The following NFATC2 variants were observed in gnomAD, a reference collection of about 807,000 sequenced individuals.
NFATC2 encodes the protein nuclear factor of activated T-cells, cytoplasmic 2.
Under a neutral mutation model 87.3 loss-of-function variants are expected in NFATC2, and 22 were observed. The ratio of observed to expected loss-of-function variants is 0.25; its 90% CI spans 0.18 to 0.36. The LOEUF is 0.36. Ranked by LOEUF, NFATC2 falls within the 10% of genes least tolerant of loss-of-function variation. NFATC2 has a pLI of 1.00. For missense variants in NFATC2, 1,149 were observed against 1,259.1 expected (o/e 0.91, Z 1.32); for synonymous variants, 565 against 542.2 (o/e 1.04, Z -0.58).
chr20:51,398,063 A>ACTCAGTTCCAAGGGGCTG (rs1195962294), intron 10 of NFATC2, among the ~76,000 whole-genome samples: 4 of 143,896 alleles, frequency 2.8e-5, no homozygotes, highest in African/African-American at 1.0e-4. Flanking sequence ...ACCCTGGGAA[A>ACTCAGTTCCAAGGGGCTG]CTCAGTTCCA....
rs1288692436 is a variant in NFATC2 at position 51,509,945 on chromosome 20, AC to A, written c.1332+6838del. On this transcript the variant is annotated intron_variant, in intron 3 of 10. Transcript: ENST00000371564. ...CCTCCCTGCAAAGCTCATTACTGTT[AC>A]CGGGAATGAAATGGCCATCGGGTTT... 2.0e-5 allele frequency among the ~76,000 whole-genome samples: 3 copies of A among 152,244 alleles called. No individual in the cohort carries two copies. The East Asian group carries it at 5.8e-4, about 29-fold the overall frequency.
chr20:51,517,434 C>T (rs1568716210), intron 2 of NFATC2, among the ~76,000 whole-genome samples: 3 of 151,216 alleles, frequency 2.0e-5, no homozygotes. Flanking sequence ...ACTAAAAATA[C>T]AAAAAAAATC....
intron 1 of NFATC2, among the ~76,000 whole-genome samples, chr20:51,560,398 A>G (rs1049395345): frequency 1.9e-4 from 17 of 91,446 alleles, no homozygotes; most frequent in African/African-American, 6.0e-4. Flanking sequence ...TTGCTGAAAT[A>G]CTTTCCATCA....
chr20:51,459,691 A>G (rs934180610), intron 5 of NFATC2, among the ~76,000 whole-genome samples: 1 of 152,168 alleles, frequency 6.6e-6, no homozygotes, highest in African/African-American at 2.4e-5. Context: ...CAGCCTGACC[A>G]ATATGGTGAA....
In NFATC2 at chr20:51,436,676, C is replaced by T. The variant is rs186484755; in HGVS notation, c.1850-915G>A. 4.7e-4 allele frequency among the ~76,000 whole-genome samples: 71 copies of T among 152,238 alleles called. 1 individual carries two copies. The highest frequency in any genetic ancestry group is 3.0e-3 in the Admixed American group (46 of 15,298). On this transcript the variant is annotated intron_variant, in intron 6 of 10. Transcript: ENST00000371564. The stretch of plus-strand genomic sequence containing the variant: ...GTTACAGCAAACCAAGATTACACCA[C>T]TGCACTCCAGACTGGGCGACAGAGT...
intron 3 of NFATC2, among the ~76,000 whole-genome samples, chr20:51,488,221 A>C (rs989159486): frequency 6.6e-6 from 1 of 152,226 alleles, no homozygotes; most frequent in African/African-American, 2.4e-5. Flanking sequence ...GTCCTTCAGG[A>C]TTATTAATAC....
At chr20:51,412,003 G>A (rs759126873) in intron 9 of NFATC2, among the ~76,000 whole-genome samples, 18 of 152,074 alleles carry the variant, frequency 1.2e-4, no homozygotes, top group South Asian at 4.1e-4. Flanking sequence ...TAGGGTGAGC[G>A]AGCCCCTCTT....
At chr20:51,545,069 A>C (rs1178284956), upstream of NFATC2, among the ~76,000 whole-genome samples, 1 of 152,246 alleles carries the variant, frequency 6.6e-6, no homozygotes, top group Non-Finnish European at 1.5e-5. Context: ...ATAGACAGGT[A>C]TCTAGAAAGA....
upstream of NFATC2, among the ~76,000 whole-genome samples, chr20:51,543,460 A>G (rs538954508): frequency 2.8e-4 from 42 of 152,320 alleles, no homozygotes; most frequent in African/African-American, 9.6e-4. Context: ...GACCTCTCTG[A>G]GGAGGTGACA....
chr20:51,528,433 A>C (rs562256904), intron 1 of NFATC2, among the ~76,000 whole-genome samples: 1 of 152,194 alleles, frequency 6.6e-6, no homozygotes. Context: ...AGATGTACAC[A>C]CAGATGTATA....
At chr20:51,401,404 GTCCC>G (rs2146241099) in intron 9 of NFATC2, among the ~76,000 whole-genome samples, 1 of 152,132 alleles carries the variant, frequency 6.6e-6, no homozygotes, top group Non-Finnish European at 1.5e-5. Flanking sequence ...CCACAATATG[GTCCC>G]CTAAAGAAGA....
intron 7 of NFATC2, 140 bp from the exon 8 acceptor site, chr20:51,435,454 A>G: frequency 7.7e-7 from 1 of 1,290,414 alleles, no homozygotes; most frequent in East Asian, 2.3e-5. Context: ...GTTCAATTTC[A>G]GGGGAATTTA....
In NFATC2 at chr20:51,542,644, GCGC is replaced by G; in HGVS notation, c.-148_-146del. The G allele has an allele frequency of 8.4e-7, 1 of 1,189,420 alleles. No individual in the cohort carries two copies. The highest frequency in any genetic ancestry group is 3.7e-5 in the East Asian group (1 of 26,932). 73.7% of individuals were successfully genotyped at this position (1,189,420 alleles called of 1,614,324 possible). On this transcript the variant is annotated 5_prime_UTR_variant, in exon 1 of 11. Coordinates refer to ENST00000371564, the MANE Select transcript of NFATC2 (RefSeq NM_012340.5). ...GACGCACGCCGGGTCCGGGGACGGCGCGCCTGGCGCAGCGGGTCCTGGACGCGC... is the reference window on the plus strand; with the variant it reads ...GACGCACGCCGGGTCCGGGGACGGCGCTGGCGCAGCGGGTCCTGGACGCGC...
At chr20:51,474,772 A>G (rs965246741) in intron 4 of NFATC2, among the ~76,000 whole-genome samples, 2 of 152,040 alleles carry the variant, frequency 1.3e-5, no homozygotes, top group Admixed American at 1.3e-4. Context: ...AATGTGTGCA[A>G]TGGTTCCCAG....
chr20:51,502,147 C>T (rs756099822), intron 3 of NFATC2, among the ~76,000 whole-genome samples: 12 of 152,148 alleles, frequency 7.9e-5, no homozygotes, highest in Non-Finnish European at 1.3e-4. Context: ...ATCCATGGAC[C>T]AAACTGAGCA....
In NFATC2 at chr20:51,391,373, G is replaced by A. The variant is rs772159950; in HGVS notation, c.*123C>T. On this transcript the variant is annotated 3_prime_UTR_variant, in exon 11 of 11. Transcript: ENST00000371564. ...GGCTCCGAGGGGTCAGATACAGAAG[G>A]TGTCTTGCTATAATGGCTTCTTTTA... The A allele has an allele frequency of 3.9e-6, 6 of 1,547,352 alleles. No individual in the cohort carries two copies. The Admixed American group carries it at 6.9e-5, about 18-fold the overall frequency.
chr20:51,525,479 G>A (rs1402900680), intron 1 of NFATC2, among the ~76,000 whole-genome samples: 9 of 152,060 alleles, frequency 5.9e-5, no homozygotes, highest in Admixed American at 5.9e-4. Context: ...TACAGGTCCA[G>A]GCACGTGGGG....
rs1351479999 is a variant in NFATC2, at chr20:51,542,598, C to T, written c.-99G>A. 21 of 1,237,550 alleles carry T rather than the reference C, an allele frequency of 1.7e-5. No individual in the cohort carries two copies. Among genetic ancestry groups the T allele is most frequent in the Non-Finnish European group, 2.0e-5 (20 of 986,256 alleles). 76.7% of individuals were successfully genotyped at this position (1,237,550 alleles called of 1,614,324 possible). A position where few individuals can be genotyped will look rare whatever the true frequency, so the allele number is the denominator to read the frequency against. Reference sequence around the variant, plus strand: ...GGGCTGGCGGAGGCGGCTCGAGCGGCGGGGTCCCTTTCCTCGTAGGGACGC... The same window carrying T: ...GGGCTGGCGGAGGCGGCTCGAGCGGTGGGGTCCCTTTCCTCGTAGGGACGC... On this transcript the variant is annotated 5_prime_UTR_variant, in exon 1 of 11. Transcript: ENST00000371564.
chr20:51,401,738 AAACTGGTGAGTC>A (rs1224962731), intron 9 of NFATC2, among the ~76,000 whole-genome samples: 1 of 152,238 alleles, frequency 6.6e-6, no homozygotes, highest in Non-Finnish European at 1.5e-5. Context: ...CCCCAGGCAT[AAACTGGTGAGTC>A]ATCCCACTGA....
Sources: gnomAD v4.1 joint callset for allele counts (sites outside exome capture counted in the v4.1 genomes callset) on GRCh38, gnomAD v4.1.1 for gene constraint, MANE v1.5 for transcripts, NCBI Gene and HGNC (gene_info 2026-07-23, HGNC 2026-07-21) for gene names.